The following OR51B5 variants were observed in gnomAD, a reference collection of about 807,000 sequenced individuals.
The protein encoded by OR51B5 is olfactory receptor 51B5.
For synonymous variants in OR51B5, 186 were observed against 144.8 expected (o/e 1.28, Z -2.04); for missense variants, 456 against 374.6 (o/e 1.22, Z -1.79).
chr11:5,459,911 C>T lies in OR51B5; in HGVS notation n.84+45658G>A, dbSNP rs145812031. Among the ~76,000 whole-genome samples, 12 of 152,152 alleles carry T rather than the reference C, an allele frequency of 7.9e-5. No homozygotes were observed. The East Asian group carries it at 2.3e-3, about 29-fold the overall frequency. On this transcript the variant is annotated intron_variant and non_coding_transcript_variant, in intron 1 of 4. Transcript: ENST00000415970. ...ACCCAAAGGTATATAAATTGTTCTA[C>T]CATAAAAACACATGTGTATGTTCAC...
intron 1 of OR51B5, among the ~76,000 whole-genome samples, chr11:5,380,313 G>C (rs1345779898): frequency 1.3e-5 from 2 of 152,130 alleles, no homozygotes; most frequent in African/African-American, 4.8e-5. Context: ...AAAATGAATT[G>C]CAACATGAAA....
At chr11:5,365,164 T>G (rs1052899347) in intron 1 of OR51B5, among the ~76,000 whole-genome samples, 25 of 152,232 alleles carry the variant, frequency 1.6e-4, no homozygotes, top group African/African-American at 6.0e-4. Context: ...TCTGGTGAGT[T>G]CTGTAGACAT....
At chr11:5,489,675 A>T (rs1366187015) in intron 1 of OR51B5, 1 of 1,575,154 alleles carries the variant, frequency 6.3e-7, no homozygotes. Flanking sequence ...TGCTGAGCAG[A>T]AGTTGGAGAT....
chr11:5,452,116 TATGTGTCTATGA>T (rs1426892918), intron 1 of OR51B5, among the ~76,000 whole-genome samples: 1 of 152,172 alleles, frequency 6.6e-6, no homozygotes, highest in Non-Finnish European at 1.5e-5. Flanking sequence ...TATACAAATC[TATGTGTCTATGA>T]GTGTGTATAC....
At chr11:5,412,562 C>T (rs986852888) in intron 1 of OR51B5, among the ~76,000 whole-genome samples, 1 of 152,206 alleles carries the variant, frequency 6.6e-6, no homozygotes, top group Admixed American at 6.5e-5. Context: ...ACAGATGGCA[C>T]CTGGAAAATC....
chr11:5,408,549 T>C (rs934618595), intron 1 of OR51B5, among the ~76,000 whole-genome samples: 7 of 152,194 alleles, frequency 4.6e-5, no homozygotes, highest in African/African-American at 1.7e-4. Context: ...ATTGGTGGTC[T>C]GGTGCTATTA....
At chr11:5,414,290 C>T (rs1208484704) in intron 1 of OR51B5, among the ~76,000 whole-genome samples, 4 of 149,668 alleles carry the variant, frequency 2.7e-5, no homozygotes, top group Non-Finnish European at 5.9e-5. Flanking sequence ...AAGCACTAAA[C>T]ATGGAAAGGA....
rs1056335160 is a variant in OR51B5 at position 5,375,161 on chromosome 11, A to G, written n.85-28251T>C. 2.7e-5 allele frequency among the ~76,000 whole-genome samples: 4 copies of G among 147,426 alleles called. No homozygotes were observed. The Admixed American group carries it at 2.7e-4, about 10-fold the overall frequency. ...TGGCAGAAACTCTACAAGCCAGAAG[A>G]GAGTGGGGGCCAATATTCAACATCC... On this transcript the variant is annotated intron_variant and non_coding_transcript_variant, in intron 1 of 4. Coordinates refer to the OR51B5 transcript ENST00000415970.
intron 1 of OR51B5, among the ~76,000 whole-genome samples, chr11:5,491,184 C>G (rs1187326796): frequency 6.6e-6 from 1 of 152,206 alleles, no homozygotes; most frequent in Admixed American, 6.5e-5. Flanking sequence ...TACACAGTGT[C>G]TGGCACACAG....
At chr11:5,472,434 T>G (rs1279457967) in intron 1 of OR51B5, among the ~76,000 whole-genome samples, 1 of 152,032 alleles carries the variant, frequency 6.6e-6, no homozygotes, top group African/African-American at 2.4e-5. Flanking sequence ...AAGTGTCCAC[T>G]GAAGGGAGAA....
chr11:5,363,224 C>T (rs1034888602), intron 1 of OR51B5, among the ~76,000 whole-genome samples: 2 of 140,844 alleles, frequency 1.4e-5, no homozygotes, highest in East Asian at 2.1e-4. Flanking sequence ...TTCCCCACAA[C>T]GAACCCAACC....
intron 1 of OR51B5, among the ~76,000 whole-genome samples, chr11:5,357,559 C>T (rs1849214562): frequency 6.6e-6 from 1 of 151,910 alleles, no homozygotes; most frequent in South Asian, 2.1e-4. Context: ...CAACATTAGA[C>T]AGATCAACAT....
intron 1 of OR51B5, among the ~76,000 whole-genome samples, chr11:5,493,447 C>G (rs1490796573): frequency 6.6e-6 from 1 of 152,130 alleles, no homozygotes; most frequent in African/African-American, 2.4e-5. Flanking sequence ...TATAAAGTTT[C>G]TCTCAGATAA....
At chr11:5,404,702 G>A (rs746689783) in intron 1 of OR51B5, among the ~76,000 whole-genome samples, 1 of 152,116 alleles carries the variant, frequency 6.6e-6, no homozygotes, top group Non-Finnish European at 1.5e-5. Context: ...TCACTCTTTG[G>A]GTCTGCACTA....
At chr11:5,499,854 G>A (rs756693622) in intron 1 of OR51B5, among the ~76,000 whole-genome samples, 22 of 152,290 alleles carry the variant, frequency 1.4e-4, no homozygotes, top group Middle Eastern at 3.4e-3. Context: ...TAACAGCCAA[G>A]GGAAATGAGT....
chr11:5,410,508 G>A (rs1260584887), intron 1 of OR51B5, among the ~76,000 whole-genome samples: 1 of 152,054 alleles, frequency 6.6e-6, no homozygotes, highest in African/African-American at 2.4e-5. Context: ...ACTGCATATA[G>A]GACAGTGGTT....
chr11:5,475,090 C>T (rs1213543085), intron 1 of OR51B5, among the ~76,000 whole-genome samples: 1 of 152,158 alleles, frequency 6.6e-6, no homozygotes, highest in Non-Finnish European at 1.5e-5. Flanking sequence ...TTCTGCTTTA[C>T]TGACGTCTTA....
intron 1 of OR51B5, among the ~76,000 whole-genome samples, chr11:5,457,257 T>C (rs1340843237): frequency 6.6e-6 from 1 of 152,222 alleles, no homozygotes; most frequent in Admixed American, 6.5e-5. Flanking sequence ...CATGCATTAA[T>C]TCACCTAGGA....
chr11:5,343,583 C>G (rs1848941827), upstream of OR51B5: 2 of 635,438 alleles, frequency 3.1e-6, no homozygotes, highest in Admixed American at 2.9e-5. Context: ...GTGCACAGTT[C>G]TACCTTCAAG....
Sources: allele counts gnomAD v4.1 joint callset (sites outside exome capture counted in the v4.1 genomes callset), GRCh38; gene constraint gnomAD v4.1.1; transcripts MANE v1.5; gene names NCBI Gene and HGNC (gene_info 2026-07-23, HGNC 2026-07-21).